Variants in CNTN5 observed in about 807,000 individuals in gnomAD.
CNTN5 encodes the protein contactin 5, also known as contactin-5.
Under a neutral mutation model 129.1 loss-of-function variants are expected in CNTN5, and 77 were observed. The observed-to-expected ratio is 0.60, with a 90% CI of 0.50 to 0.72. CNTN5 has a LOEUF of 0.72. CNTN5 is among the 30% of genes least tolerant of loss of function. CNTN5 has a pLI of 0.00. For missense variants in CNTN5, 1,478 were observed against 1,328.8 expected (o/e 1.11, Z -1.75); for synonymous variants, 509 against 465.6 (o/e 1.09, Z -1.20).
intron 3 of CNTN5, among the ~76,000 whole-genome samples, chr11:99,601,317 G>A (rs1950305587): frequency 6.6e-6 from 1 of 152,080 alleles, no homozygotes; most frequent in African/African-American, 2.4e-5. Context: ...AGTCCACTTA[G>A]TAAATCATCA....
chr11:100,268,952 T>G (rs1348961822), intron 17 of CNTN5, among the ~76,000 whole-genome samples: 1 of 152,134 alleles, frequency 6.6e-6, no homozygotes, highest in East Asian at 1.9e-4. Context: ...CATATGAGTC[T>G]GAAATCTAGG....
intron 2 of CNTN5, among the ~76,000 whole-genome samples, chr11:99,548,212 T>G (rs1037067593): frequency 6.6e-6 from 1 of 152,190 alleles, no homozygotes; most frequent in Non-Finnish European, 1.5e-5. Flanking sequence ...GAGGTATTTC[T>G]CTCCTGTCCT....
chr11:100,025,602 G>A (rs1941377830), intron 9 of CNTN5, among the ~76,000 whole-genome samples: 2 of 152,164 alleles, frequency 1.3e-5, no homozygotes, highest in South Asian at 2.1e-4. Flanking sequence ...ACTGGGAGGG[G>A]GACTGTACCC....
chr11:99,259,510 A>G (rs1266084502), intron 1 of CNTN5, among the ~76,000 whole-genome samples: 2 of 151,898 alleles, frequency 1.3e-5, no homozygotes, highest in Non-Finnish European at 2.9e-5. Context: ...AAATTGTTAT[A>G]TGCTAATATA....
chr11:99,997,655 TG>T, intron 8 of CNTN5, among the ~76,000 whole-genome samples: 1 of 152,228 alleles, frequency 6.6e-6, no homozygotes, highest in East Asian at 1.9e-4. Context: ...ACTCACTTTA[TG>T]AGGCCAGCAT....
intron 10 of CNTN5, among the ~76,000 whole-genome samples, chr11:100,068,854 A>G (rs927947520): frequency 2.6e-5 from 4 of 152,324 alleles, no homozygotes; most frequent in African/African-American, 9.6e-5. Flanking sequence ...AAGCTAATAA[A>G]AGCAAAATTC....
intron 15 of CNTN5, among the ~76,000 whole-genome samples, chr11:100,204,718 G>A (rs1948879657): frequency 6.6e-6 from 1 of 151,814 alleles, no homozygotes; most frequent in Admixed American, 6.6e-5. Context: ...TATTTTTAAT[G>A]TTGTCCTAAA....
chr11:99,504,944 C>T (rs1173369927), intron 2 of CNTN5, among the ~76,000 whole-genome samples: 2 of 152,116 alleles, frequency 1.3e-5, no homozygotes, highest in African/African-American at 2.4e-5. Context: ...ATGTAAAAAG[C>T]AGGGGAAAGA....
intron 8 of CNTN5, among the ~76,000 whole-genome samples, chr11:99,969,406 A>C (rs1405837590): frequency 6.6e-6 from 1 of 152,174 alleles, no homozygotes; most frequent in Non-Finnish European, 1.5e-5. Flanking sequence ...CTTTGAGTTG[A>C]CTTTTGCAGT....
chr11:100,278,725 A>C (rs138128527), intron 18 of CNTN5, among the ~76,000 whole-genome samples: 270 of 152,132 alleles, frequency 1.8e-3, no homozygotes, highest in African/African-American at 6.2e-3. Flanking sequence ...AGATTTTCCC[A>C]AACATAAGAT....
chr11:100,132,944 T>C (rs1026514352), intron 13 of CNTN5, among the ~76,000 whole-genome samples: 1 of 152,116 alleles, frequency 6.6e-6, no homozygotes, highest in Non-Finnish European at 1.5e-5. Context: ...ATATTTTCTA[T>C]TTTTAGTATT....
intron 1 of CNTN5, among the ~76,000 whole-genome samples, chr11:99,277,051 G>A (rs1254608801): frequency 6.6e-6 from 1 of 151,590 alleles, no homozygotes; most frequent in Non-Finnish European, 1.5e-5. Flanking sequence ...ACTAAAGTAA[G>A]AAGGGCCTCA....
intron 13 of CNTN5, among the ~76,000 whole-genome samples, chr11:100,151,083 G>GAAAT (rs1355768460): frequency 2.9e-4 from 44 of 152,048 alleles, no homozygotes; most frequent in African/African-American, 9.2e-4. Context: ...AGAACCATGA[G>GAAAT]AAATAATGTC....
At chr11:99,122,296 G>A (rs1035873220) in intron 1 of CNTN5, among the ~76,000 whole-genome samples, 2 of 151,986 alleles carry the variant, frequency 1.3e-5, no homozygotes, top group Non-Finnish European at 2.9e-5. Context: ...ATGTCTAATG[G>A]CATATAAAAC....
intron 2 of CNTN5, among the ~76,000 whole-genome samples, chr11:99,511,485 G>C (rs890070270): frequency 6.6e-6 from 1 of 151,856 alleles, no homozygotes; most frequent in Non-Finnish European, 1.5e-5. Flanking sequence ...TTTTGGAATA[G>C]GTGTGGTGTG....
chr11:99,894,303 A>G (rs1949140753), intron 6 of CNTN5, among the ~76,000 whole-genome samples: 1 of 152,080 alleles, frequency 6.6e-6, no homozygotes, highest in Non-Finnish European at 1.5e-5. Flanking sequence ...GTTCAATACT[A>G]TTAATCTCTG....
At chr11:99,891,798 C>T (rs1268441448) in intron 6 of CNTN5, among the ~76,000 whole-genome samples, 1 of 152,094 alleles carries the variant, frequency 6.6e-6, no homozygotes, top group African/African-American at 2.4e-5. Context: ...CATACATGTG[C>T]ATATGTCTTT....
chr11:100,028,362 A>T (rs1283332560), intron 9 of CNTN5, among the ~76,000 whole-genome samples: 1 of 152,208 alleles, frequency 6.6e-6, no homozygotes, highest in African/African-American at 2.4e-5. Context: ...CAAATAAATT[A>T]TCCTCTCTGA....
intron 3 of CNTN5, among the ~76,000 whole-genome samples, chr11:99,651,233 A>T (rs199811888): frequency 5.0e-3 from 124 of 24,990 alleles, no homozygotes; most frequent in African/African-American, 9.5e-3. Context: ...AATCCCACAA[A>T]CAATCATCAA....
Sources: allele counts gnomAD v4.1 joint callset (sites outside exome capture counted in the v4.1 genomes callset), GRCh38; gene constraint gnomAD v4.1.1; transcripts MANE v1.5; gene names NCBI Gene and HGNC (gene_info 2026-07-23, HGNC 2026-07-21).